The following GPD1L variants were observed in gnomAD, a reference collection of about 807,000 sequenced individuals.
The protein encoded by GPD1L is glycerol-3-phosphate dehydrogenase 1 like, also known as glycerol-3-phosphate dehydrogenase 1-like protein.
GPD1L carries 17 observed loss-of-function variants against 32.9 expected under a neutral mutation model. The ratio of observed to expected loss-of-function variants is 0.52; its 90% CI spans 0.35 to 0.78. The LOEUF is 0.78. Among genes scored for constraint, GPD1L ranks in the 30% least tolerant of loss-of-function variants. The probability of loss-of-function intolerance (pLI) is 0.01; values close to 1 mark genes in which losing one functional copy is unlikely to be tolerated. For synonymous variants in GPD1L, 187 were observed against 165.9 expected, an observed-to-expected ratio of 1.13 and a Z score of -0.98; for missense variants, 361 against 447.8, an observed-to-expected ratio of 0.81 and a Z score of 1.75.
chr3:32,120,174 TG>T (rs1700389480), intron 1 of GPD1L, among the ~76,000 whole-genome samples: 1 of 152,006 alleles, frequency 6.6e-6, no homozygotes, highest in Admixed American at 6.5e-5. Context: ...AAAATTTAGT[TG>T]GGTGTGGTGG....
At chr3:32,161,026 G>A (rs936184467) in intron 7 of GPD1L, among the ~76,000 whole-genome samples, 38 of 152,326 alleles carry the variant, frequency 2.5e-4, no homozygotes, top group Non-Finnish European at 4.7e-4. Flanking sequence ...GGCTAATTTA[G>A]AGCATGAGCT....
intron 4 of GPD1L, 104 bp downstream of exon 4, chr3:32,140,470 T>C: frequency 7.5e-7 from 1 of 1,328,482 alleles, no homozygotes; most frequent in South Asian, 1.2e-5. Context: ...TCCCTGTCCC[T>C]CTTAACATTC....
intron 5 of GPD1L, among the ~76,000 whole-genome samples, chr3:32,152,249 G>C (rs891721590): frequency 6.6e-6 from 1 of 152,126 alleles, no homozygotes; most frequent in Non-Finnish European, 1.5e-5. Context: ...CAAGGTAGAC[G>C]TTTCTTTCTT....
At chr3:32,144,934 C>T (rs113949920) in intron 4 of GPD1L, among the ~76,000 whole-genome samples, 61,671 of 150,382 alleles carry the variant, frequency 0.41, 13,293 homozygotes, top group South Asian at 0.53. Context: ...GAACTCCTGA[C>T]CTCAAGTAAT....
chr3:32,145,102 G>A lies in GPD1L; in HGVS notation c.506-1520G>A, dbSNP rs548267617. Among the ~76,000 whole-genome samples the A allele has an allele frequency of 1.9e-3, 292 of 151,702 alleles. 1 individual carries two copies. Among genetic ancestry groups the A allele is most frequent in the Middle Eastern group, 6.8e-3 (2 of 294 alleles). On this transcript the variant is annotated intron_variant, in intron 4 of 7. Transcript: ENST00000282541. ...GGAAGGCCAAGGCAGGTGGATTGCTGGAGGTCAGGAGTTCGAGACCAGCCT... is the reference window on the plus strand; with the variant it reads ...GGAAGGCCAAGGCAGGTGGATTGCTAGAGGTCAGGAGTTCGAGACCAGCCT...
intron 2 of GPD1L, among the ~76,000 whole-genome samples, chr3:32,130,638 T>A (rs774966748): frequency 6.6e-6 from 1 of 152,176 alleles, no homozygotes; most frequent in Non-Finnish European, 1.5e-5. Flanking sequence ...CCGTCTGGAT[T>A]TGCGATTTCC....
intron 7 of GPD1L, 114 bp downstream of exon 7, chr3:32,159,788 C>G (rs1297712408): frequency 4.1e-6 from 3 of 737,470 alleles, no homozygotes; most frequent in Non-Finnish European, 7.4e-6. Context: ...TAGAACTTAT[C>G]TGGATTAGTT....
chr3:32,117,898 C>G (rs1700355120), intron 1 of GPD1L, among the ~76,000 whole-genome samples: 1 of 152,194 alleles, frequency 6.6e-6, no homozygotes. Flanking sequence ...ACCATTCCTC[C>G]ATTCACTCAG....
chr3:32,131,605 A>G (rs1700588415), intron 2 of GPD1L, among the ~76,000 whole-genome samples: 1 of 152,216 alleles, frequency 6.6e-6, no homozygotes, highest in Non-Finnish European at 1.5e-5. Context: ...TTATGGCTGA[A>G]TACGATCCTG....
At chr3:32,154,192 G>A (rs148434664) in intron 5 of GPD1L, among the ~76,000 whole-genome samples, 1 of 152,232 alleles carries the variant, frequency 6.6e-6, no homozygotes, top group Non-Finnish European at 1.5e-5. Flanking sequence ...GGTCCTCTTA[G>A]AAGAGAGGAG....
At chr3:32,148,245 A>G (rs1434474807) in intron 5 of GPD1L, among the ~76,000 whole-genome samples, 1 of 152,210 alleles carries the variant, frequency 6.6e-6, no homozygotes, top group Non-Finnish European at 1.5e-5. Context: ...GCCCAGAGCA[A>G]AGAGTGCTGG....
intron 5 of GPD1L, chr3:32,150,959 G>A (rs1700910676): frequency 9.4e-6 from 2 of 212,924 alleles, no homozygotes; most frequent in Non-Finnish European, 2.0e-5. Flanking sequence ...GTCAGACGTG[G>A]TGGCTTGTGC....
intron 1 of GPD1L, among the ~76,000 whole-genome samples, chr3:32,109,145 G>A (rs560550784): frequency 4.9e-4 from 74 of 152,198 alleles, no homozygotes; most frequent in Non-Finnish European, 6.0e-4. Flanking sequence ...CACCGTACCC[G>A]GCCGGCTTTG....
In GPD1L at chr3:32,159,075, G is replaced by A. The variant is rs774028756; in HGVS notation, c.818G>A (p.Arg273His). The A allele has an allele frequency of 1.4e-5, 22 of 1,613,704 alleles. No individual in the cohort carries two copies. The highest frequency in any genetic ancestry group is 1.6e-4 in the Middle Eastern group (1 of 6,062). Reference sequence around the variant, plus strand: ...ACCACCTGTTACGGAGGGCGGAACCGCAGGGTGGCCGAGGCCTTCGCCAGA... The same window carrying A: ...ACCACCTGTTACGGAGGGCGGAACCACAGGGTGGCCGAGGCCTTCGCCAGA... ...LITTCYGGRN[R>H]RVAEAFARTG... Residue 273 changes from arginine (R) to histidine (H), a missense_variant, in exon 6 of 8, where the codon CGC (arginine) becomes CAC (histidine). Arg to His is a conservative substitution (Grantham distance 29). Coordinates refer to ENST00000282541, the MANE Select transcript of GPD1L (RefSeq NM_015141.4).
intron 1 of GPD1L, among the ~76,000 whole-genome samples, chr3:32,116,999 G>C (rs1216364397): frequency 6.6e-6 from 1 of 152,196 alleles, no homozygotes; most frequent in African/African-American, 2.4e-5. Flanking sequence ...CACTTGAAAT[G>C]TGGCTATTCG....
At chr3:32,120,709 G>A (rs1239904314) in intron 1 of GPD1L, among the ~76,000 whole-genome samples, 2 of 152,194 alleles carry the variant, frequency 1.3e-5, no homozygotes, top group East Asian at 3.9e-4. Flanking sequence ...AGAGAGTGAA[G>A]CAGAATTGCA....
intron 5 of GPD1L, among the ~76,000 whole-genome samples, chr3:32,157,800 A>C (rs1273811182): frequency 6.6e-6 from 1 of 152,170 alleles, no homozygotes; most frequent in Non-Finnish European, 1.5e-5. Flanking sequence ...GGGTTCCCGT[A>C]AAACATTATT....
intron 1 of GPD1L, among the ~76,000 whole-genome samples, chr3:32,119,368 C>A (rs568260155): frequency 1.7e-4 from 26 of 152,250 alleles, no homozygotes; most frequent in South Asian, 1.5e-3. Flanking sequence ...ATGGTATGTA[C>A]AATTTTACAT....
At position 32,136,138 on chromosome 3, in the gene GPD1L, T is replaced by A. The variant is rs79758603; in HGVS notation, c.226-2449T>A. ...GTTACATGATATTAACAGGGCCCTG[T>A]TTTTCCCTCTGTTCCCCTGCTTTGC... is the stretch of plus-strand genomic sequence containing the variant. On this transcript the variant is annotated intron_variant, in intron 2 of 7. Transcript: ENST00000282541. 0.024 allele frequency among the ~76,000 whole-genome samples: 3,600 copies of A among 152,236 alleles called. 296 individuals carry two copies. In the East Asian group the frequency reaches 0.25, roughly 11 times the overall value.
Sources: gnomAD v4.1 joint callset for allele counts (sites outside exome capture counted in the v4.1 genomes callset) on GRCh38, gnomAD v4.1.1 for gene constraint, MANE v1.5 for transcripts, NCBI Gene and HGNC (gene_info 2026-07-23, HGNC 2026-07-21) for gene names.